The following NTNG1 variants were observed in gnomAD, a reference collection of about 807,000 sequenced individuals.
NTNG1 encodes the protein netrin-G1.
A neutral mutation model predicts 54.0 loss-of-function variants in NTNG1; 16 were observed. The ratio of observed to expected loss-of-function variants is 0.30; its 90% CI spans 0.20 to 0.45. The LOEUF is 0.45. Among genes scored for constraint, NTNG1 ranks in the 20% least tolerant of loss-of-function variants. The pLI, the probability that NTNG1 is intolerant of heterozygous loss-of-function variation, is 1.00. For synonymous variants in NTNG1, 255 were observed against 263.1 expected, an observed-to-expected ratio of 0.97 and a Z score of 0.30; for missense variants, 530 against 678.7, an observed-to-expected ratio of 0.78 and a Z score of 2.43.
At chr1:107,287,215 T>C (rs1213260710) in intron 2 of NTNG1, among the ~76,000 whole-genome samples, 1 of 152,154 alleles carries the variant, frequency 6.6e-6, no homozygotes, top group Admixed American at 6.5e-5. Flanking sequence ...TAAAGCATTA[T>C]AATAAATTAG....
At chr1:107,395,039 T>C (rs1672592715) in intron 3 of NTNG1, 115 bp from the exon 4 acceptor site, 3 of 779,766 alleles carry the variant, frequency 3.8e-6, no homozygotes, top group South Asian at 1.7e-5. Context: ...TCTTACTAAA[T>C]GCCTCTGTGT....
At chr1:107,447,865 C>A (rs751195225) in intron 7 of NTNG1, among the ~76,000 whole-genome samples, 6 of 152,066 alleles carry the variant, frequency 3.9e-5, no homozygotes, top group African/African-American at 7.2e-5. Context: ...AGCAAACTGG[C>A]CTGGCTATCA....
At chr1:107,287,044 T>C (rs1055260798) in intron 2 of NTNG1, among the ~76,000 whole-genome samples, 11 of 152,046 alleles carry the variant, frequency 7.2e-5, no homozygotes, top group Admixed American at 2.0e-4. Flanking sequence ...CTGCATTTGG[T>C]TTTCTGAGGC....
intron 2 of NTNG1, among the ~76,000 whole-genome samples, chr1:107,249,599 A>G (rs1337739838): frequency 6.6e-6 from 1 of 152,062 alleles, no homozygotes; most frequent in Non-Finnish European, 1.5e-5. Context: ...TATTGTGATG[A>G]GACTACCCTA....
intron 2 of NTNG1, among the ~76,000 whole-genome samples, chr1:107,318,206 C>T (rs1667445933): frequency 6.6e-6 from 1 of 152,114 alleles, no homozygotes; most frequent in African/African-American, 2.4e-5. Flanking sequence ...AAATCTCACA[C>T]CACTTAGACC....
Position 107,480,788 on chromosome 1 carries a change from C to G in NTNG1, c.1568C>G (p.Ala523Gly). 2 of 1,595,638 alleles carry G rather than the reference C, an allele frequency of 1.3e-6. No individual in the cohort carries two copies. Among genetic ancestry groups the G allele is most frequent in the Non-Finnish European group, 1.7e-6 (2 of 1,172,322 alleles). ...GQGAPPHGSP[A>G]LLLLTTLLGT... ...GGCGCGCCCCCGCACGGCTCCCCAG[C>G]GCTGCTGCTGCTGACCACGCTGCTG... The change falls in exon 8 of 8, where the codon GCG becomes GGG. Residue 523 changes from alanine to glycine, a missense_variant. Physicochemically the swap from Ala to Gly is moderately conservative, Grantham distance 60. Transcript: ENST00000370068.
chr1:107,287,940 A>G (rs539442744), intron 2 of NTNG1, among the ~76,000 whole-genome samples: 27 of 152,302 alleles, frequency 1.8e-4, no homozygotes, highest in Middle Eastern at 3.4e-3. Context: ...AATGACAGCT[A>G]TCACTATTGG....
intron 3 of NTNG1, among the ~76,000 whole-genome samples, chr1:107,331,705 T>G (rs12144399): frequency 0.57 from 87,219 of 151,990 alleles, 27,859 homozygotes; most frequent in Non-Finnish European, 0.71. Flanking sequence ...TCGCTTATTT[T>G]AAGCAAGTTC....
intron 3 of NTNG1, among the ~76,000 whole-genome samples, chr1:107,373,134 C>G (rs1671027739): frequency 6.6e-6 from 1 of 152,012 alleles, no homozygotes. Context: ...TTATTTTCTA[C>G]TTGTCCCATT....
At chr1:107,149,280 G>C (rs1243638567) in intron 2 of NTNG1, among the ~76,000 whole-genome samples, 1 of 152,136 alleles carries the variant, frequency 6.6e-6, no homozygotes, top group African/African-American at 2.4e-5. Flanking sequence ...AGTTCAAGGA[G>C]AGACTAGATC....
chr1:107,446,392 T>C (rs1198474635), intron 7 of NTNG1, among the ~76,000 whole-genome samples: 3 of 152,090 alleles, frequency 2.0e-5, no homozygotes, highest in Non-Finnish European at 4.4e-5. Context: ...ATTGCTCATG[T>C]TGGTGTAAGG....
intron 2 of NTNG1, among the ~76,000 whole-genome samples, chr1:107,297,367 A>T (rs188944193): frequency 9.2e-5 from 14 of 151,870 alleles, no homozygotes; most frequent in Admixed American, 5.9e-4. Flanking sequence ...GGCAGTGGTG[A>T]TAGAAGACAC....
chr1:107,475,611 T>G (rs1158818617), intron 7 of NTNG1, among the ~76,000 whole-genome samples: 1 of 152,210 alleles, frequency 6.6e-6, no homozygotes, highest in Non-Finnish European at 1.5e-5. Flanking sequence ...GCTCAGCACC[T>G]GAAAACTTAC....
intron 2 of NTNG1, among the ~76,000 whole-genome samples, chr1:107,169,421 G>A (rs1381269555): frequency 6.6e-6 from 1 of 151,996 alleles, no homozygotes; most frequent in African/African-American, 2.4e-5. Context: ...TGTAGCCATC[G>A]CCTAAATAGT....
chr1:107,461,091 G>C (rs1056354788), intron 7 of NTNG1, among the ~76,000 whole-genome samples: 1 of 152,194 alleles, frequency 6.6e-6, no homozygotes, highest in Non-Finnish European at 1.5e-5. Flanking sequence ...TGTAAAAAGC[G>C]TGAATTCTAT....
Position 107,258,190 on chromosome 1 carries a change from T to A in NTNG1, c.247-66092T>A, listed in dbSNP as rs555785355. ...ACTGAATGCTCTTACTCGGATTATT[T>A]TTTTTTATTTAATGTTTTGCCCAAG... is the stretch of plus-strand genomic sequence containing the variant. On this transcript the variant is annotated intron_variant, in intron 2 of 7. Coordinates refer to ENST00000370068, the MANE Select transcript of NTNG1 (RefSeq NM_001113226.3). 1.3e-3 allele frequency among the ~76,000 whole-genome samples: 202 copies of A among 152,246 alleles called. 1 individual carries two copies. The highest frequency in any genetic ancestry group is 2.6e-3 in the Non-Finnish European group (176 of 68,016).
At chr1:107,378,027 T>C (rs1671408736) in intron 3 of NTNG1, among the ~76,000 whole-genome samples, 1 of 152,250 alleles carries the variant, frequency 6.6e-6, no homozygotes, top group Admixed American at 6.5e-5. Flanking sequence ...TGCCAATCGG[T>C]TTCATTAACA....
At chr1:107,388,795 G>A (rs1672182895) in intron 3 of NTNG1, among the ~76,000 whole-genome samples, 1 of 152,146 alleles carries the variant, frequency 6.6e-6, no homozygotes, top group South Asian at 2.1e-4. Context: ...ATGTGTTAAG[G>A]TGGGAACTGG....
At chr1:107,348,346 G>A (rs1041321395) in intron 3 of NTNG1, among the ~76,000 whole-genome samples, 9 of 152,090 alleles carry the variant, frequency 5.9e-5, no homozygotes, top group Non-Finnish European at 8.8e-5. Context: ...GGATGGTCTC[G>A]AACTCCTGAC....
Sources: gnomAD v4.1 joint callset for allele counts (sites outside exome capture counted in the v4.1 genomes callset) on GRCh38, gnomAD v4.1.1 for gene constraint, MANE v1.5 for transcripts, NCBI Gene and HGNC (gene_info 2026-07-23, HGNC 2026-07-21) for gene names.